TTC7A: variants seen among roughly 807,000 people sequenced by gnomAD.
TTC7A encodes tetratricopeptide repeat domain 7A, also known as tetratricopeptide repeat protein 7A.
A neutral mutation model predicts 103.7 loss-of-function variants in TTC7A; 110 were observed. The ratio of observed to expected loss-of-function variants is 1.06; its 90% CI spans 0.91 to 1.24. The LOEUF is 1.24. Among genes scored for constraint, TTC7A ranks in the 50% most tolerant of loss-of-function variants. TTC7A has a pLI of 0.00. For missense variants in TTC7A, 1,340 were observed against 1,116.3 expected (o/e 1.20, Z -2.86); for synonymous variants, 521 against 467.9 (o/e 1.11, Z -1.47).
intron 8 of TTC7A, among the ~76,000 whole-genome samples, chr2:47,003,562 C>T (rs1346253429): frequency 1.3e-5 from 2 of 152,148 alleles, no homozygotes; most frequent in Non-Finnish European, 2.9e-5. Flanking sequence ...GCTCGCAGCC[C>T]ACTATCCCCT....
intron 17 of TTC7A, among the ~76,000 whole-genome samples, 198 bp from the exon 18 acceptor site, chr2:47,051,548 C>T (rs1277448220): frequency 2.0e-5 from 3 of 152,212 alleles, no homozygotes; most frequent in Admixed American, 2.0e-4. Context: ...AAAGAGCTCC[C>T]CTCCCCAGCT....
chr2:47,038,289 G>A (rs1681352555), intron 15 of TTC7A, among the ~76,000 whole-genome samples: 1 of 151,456 alleles, frequency 6.6e-6, no homozygotes, highest in Non-Finnish European at 1.5e-5. Flanking sequence ...GAAAAAAGCT[G>A]AGGCTCTGTG....
chr2:47,040,766 A>G (rs564016123), intron 15 of TTC7A, among the ~76,000 whole-genome samples: 159 of 152,266 alleles, frequency 1.0e-3, no homozygotes, highest in Admixed American at 1.7e-3. Flanking sequence ...AGCCTGGTGG[A>G]AGTTCGTGGG....
Position 47,075,914 on chromosome 2 carries a change from AC to A in TTC7A, c.*1992del, listed in dbSNP as rs963788871. The A allele has an allele frequency of 1.3e-5, 2 of 152,390 alleles. No individual in the cohort carries two copies. The highest frequency in any genetic ancestry group is 4.8e-5 in the African/African-American group (2 of 41,444). 9.4% of individuals were successfully genotyped at this position (152,390 alleles called of 1,614,324 possible). A position where few individuals can be genotyped will look rare whatever the true frequency, so the allele number is the denominator to read the frequency against. ...GCTGGGAGAGGCCAAGGCAGGACTCACGTCTGAACAGAGATCCCCTCGGGCA... is the reference window on the plus strand; with the variant it reads ...GCTGGGAGAGGCCAAGGCAGGACTCAGTCTGAACAGAGATCCCCTCGGGCA... On this transcript the variant is annotated 3_prime_UTR_variant, in exon 20 of 20. Coordinates refer to ENST00000319190, the MANE Select transcript of TTC7A (RefSeq NM_020458.4).
intron 2 of TTC7A, among the ~76,000 whole-genome samples, chr2:46,930,840 T>C (rs1254161336): frequency 6.6e-6 from 1 of 152,172 alleles, no homozygotes; most frequent in East Asian, 1.9e-4. Flanking sequence ...TCAGTAATTT[T>C]TAAACCTTCC....
intron 3 of TTC7A, among the ~76,000 whole-genome samples, chr2:46,961,575 T>TAAAATAAATAAATAAATAAA (rs1672370775): frequency 9.1e-5 from 1 of 10,992 alleles, no homozygotes; most frequent in African/African-American, 4.2e-4. Flanking sequence ...AGACTCCATC[T>TAAAATAAATAAATAAATAAA]CAAATAAATA....
At chr2:47,026,178 G>A (rs1679894777) in intron 14 of TTC7A, among the ~76,000 whole-genome samples, 1 of 152,182 alleles carries the variant, frequency 6.6e-6, no homozygotes, top group Non-Finnish European at 1.5e-5. Flanking sequence ...GCCTGCCTGG[G>A]TCTCTGAGGC....
intron 16 of TTC7A, chr2:47,047,190 C>T: frequency 2.4e-6 from 2 of 824,898 alleles, no homozygotes; most frequent in Middle Eastern, 5.4e-4. Context: ...TCTTGTCCTT[C>T]TTTGGGATAG....
At chr2:46,919,707 A>C (rs530294120) in intron 2 of TTC7A, among the ~76,000 whole-genome samples, 1 of 152,190 alleles carries the variant, frequency 6.6e-6, no homozygotes, top group African/African-American at 2.4e-5. Context: ...AATTCCTTCT[A>C]ACAGGGAGTA....
At position 46,979,938 on chromosome 2, in the gene TTC7A, T is replaced by C. The variant is rs113502083; in HGVS notation, c.764+1031T>C. ...CCGTCCCCCGTGCGTAGTCACGCCC[T>C]GCCTCACTCAGCCTTCCATGGCCAT... On this transcript the variant is annotated intron_variant, in intron 5 of 19. Coordinates refer to ENST00000319190, the MANE Select transcript of TTC7A (RefSeq NM_020458.4). 3.2e-4 allele frequency among the ~76,000 whole-genome samples: 48 copies of C among 152,174 alleles called. 1 individual carries two copies. Among genetic ancestry groups the C allele is most frequent in the Non-Finnish European group, 2.9e-5 (2 of 68,022 alleles).
intron 2 of TTC7A, chr2:46,951,774 T>C: frequency 2.4e-6 from 1 of 416,280 alleles, no homozygotes; most frequent in Non-Finnish European, 4.8e-6. Flanking sequence ...TCCAACGTAC[T>C]GTGTGCAAGG....
chr2:47,055,209 A>G lies in TTC7A; in HGVS notation c.2152+3329A>G, dbSNP rs113832472. The stretch of plus-strand genomic sequence containing the variant: ...AGCAAATTTGCAGGAAGGGAAAAAG[A>G]TGCCTTGATCATTTTGGAAGGAGCT... On this transcript the variant is annotated intron_variant, in intron 18 of 19. Transcript: ENST00000319190. Among the ~76,000 whole-genome samples the G allele has an allele frequency of 1.6e-3, 250 of 152,318 alleles. 2 individuals carry two copies. The highest frequency in any genetic ancestry group is 5.7e-3 in the African/African-American group (235 of 41,568).
At chr2:47,011,119 C>T (rs1166644239) in intron 10 of TTC7A, among the ~76,000 whole-genome samples, 1 of 152,236 alleles carries the variant, frequency 6.6e-6, no homozygotes, top group South Asian at 2.1e-4. Flanking sequence ...GAGCAAGGGT[C>T]ACAGCCTCTA....
chr2:46,951,614 T>C lies in TTC7A; in HGVS notation c.348+1088T>C, dbSNP rs1258988158. The C allele has an allele frequency of 1.5e-5, 7 of 456,198 alleles. No individual in the cohort carries two copies. The Middle Eastern group carries it at 1.3e-3, about 85-fold the overall frequency. 28.3% of individuals were successfully genotyped at this position (456,198 alleles called of 1,614,324 possible). A position where few individuals can be genotyped will look rare whatever the true frequency, so the allele number is the denominator to read the frequency against. ...TTATTTTCTTCAGGGTCTCGCTGTG[T>C]TACTCAGGCTGGTCTCCAACTCCTG... On this transcript the variant is annotated intron_variant, in intron 2 of 19. Coordinates refer to ENST00000319190, the MANE Select transcript of TTC7A (RefSeq NM_020458.4).
In TTC7A at chr2:46,941,756, AGCGAGCGC is replaced by A. The variant is rs982489045; in HGVS notation, c.184+36_184+43del. 1.3e-6 allele frequency: 2 copies of A among 1,546,892 alleles called. No individual in the cohort carries two copies. The highest frequency in any genetic ancestry group is 2.0e-5 in the Admixed American group (1 of 50,902). ...TAAGGGAAGAGGCTGGCTCGCCGGC[AGCGAGCGC>A]GCGAAACGCACCGCCTCCTCCAGGA... is the stretch of plus-strand genomic sequence containing the variant. On this transcript the variant is annotated intron_variant, in intron 1 of 19. Transcript: ENST00000319190. This position sits in a 1 kb window ranked among gnomAD's most constrained non-coding sequence, Gnocchi z 4.2.
At chr2:46,941,005 T>A (rs1164765631), upstream of TTC7A, among the ~76,000 whole-genome samples, 1 of 150,940 alleles carries the variant, frequency 6.6e-6, no homozygotes, top group African/African-American at 2.4e-5. The surrounding 1 kb of genome is among the most constrained non-coding windows in gnomAD (Gnocchi z 4.2). Flanking sequence ...GCGCCGGGGC[T>A]CCGCGCGGGA....
chr2:46,964,586 G>A (rs1475008366), intron 3 of TTC7A, among the ~76,000 whole-genome samples: 2 of 152,152 alleles, frequency 1.3e-5, no homozygotes, highest in Non-Finnish European at 2.9e-5. Context: ...TGGAGCTGAG[G>A]GGTCTGGGCC....
intron 19 of TTC7A, among the ~76,000 whole-genome samples, chr2:47,073,450 C>T (rs905891815): frequency 1.3e-5 from 2 of 152,218 alleles, no homozygotes; most frequent in Non-Finnish European, 2.9e-5. Context: ...AAAGCCAGTT[C>T]CTCGGGACCG....
At position 47,047,394 on chromosome 2, in the gene TTC7A, G is replaced by C. The variant is rs928317416; in HGVS notation, c.1919+963G>C. 38 of 1,172,688 alleles carry C rather than the reference G, an allele frequency of 3.2e-5. No individual in the cohort carries two copies. The Middle Eastern group carries it at 5.7e-4, about 18-fold the overall frequency. 72.6% of individuals were successfully genotyped at this position (1,172,688 alleles called of 1,614,324 possible). On this transcript the variant is annotated intron_variant, in intron 16 of 19. Transcript: ENST00000319190. ...AGTCAGCCCTCACTTTTCAGGCCTG[G>C]GAGACCAGGGCAGAGGAGGACCAGT...
Sources: gnomAD v4.1 joint callset for allele counts (sites outside exome capture counted in the v4.1 genomes callset) on GRCh38, gnomAD v4.1.1 for gene constraint, Gnocchi (gnomAD v3.1) non-coding constraint, MANE v1.5 for transcripts, NCBI Gene and HGNC (gene_info 2026-07-23, HGNC 2026-07-21) for gene names.